The following RALGAPA2 variants were observed in gnomAD, a reference collection of about 807,000 sequenced individuals.
RALGAPA2 encodes ral GTPase-activating protein subunit alpha-2.
Under a neutral mutation model 230.4 loss-of-function variants are expected in RALGAPA2, and 139 were observed. That is an observed-to-expected ratio of 0.60 (90% CI 0.53 to 0.69). The LOEUF is 0.69. RALGAPA2 is among the 30% of genes least tolerant of loss of function. The pLI is 0.00. For synonymous variants in RALGAPA2, 847 were observed against 837.8 expected (o/e 1.01, Z -0.19); for missense variants, 2,163 against 2,276.0 (o/e 0.95, Z 1.01).
intron 37 of RALGAPA2, among the ~76,000 whole-genome samples, chr20:20,414,616 C>T (rs755007572): frequency 4.6e-5 from 7 of 152,142 alleles, no homozygotes; most frequent in Non-Finnish European, 7.3e-5. Flanking sequence ...GAGATCTGGG[C>T]ACCTTAGAGG....
chr20:20,536,814 TTC>T (rs1437238346), intron 24 of RALGAPA2, 30 bp from the exon 25 acceptor site: 1 of 1,596,574 alleles, frequency 6.3e-7, no homozygotes, highest in South Asian at 1.1e-5. Flanking sequence ...GCACACACAT[TTC>T]TCTTTTTGTA....
Position 20,392,193 on chromosome 20 carries a change from A to C in RALGAPA2, c.*1096T>G, listed in dbSNP as rs45438198. On this transcript the variant is annotated 3_prime_UTR_variant, in exon 40 of 40. Coordinates refer to ENST00000202677, the MANE Select transcript of RALGAPA2 (RefSeq NM_020343.4). ...CATTCATTTTGTTTTTAAGAAAAAAAAACAACAACAACAAAAAAACAGGTC... is the reference window on the plus strand; with the variant it reads ...CATTCATTTTGTTTTTAAGAAAAAACAACAACAACAACAAAAAAACAGGTC... The C allele has an allele frequency of 0.12, 18,455 of 152,270 alleles. 1,861 individuals carry two copies. The highest frequency in any genetic ancestry group is 0.28 in the African/African-American group (11,648 of 41,504). The allele number at this position is 152,270 out of a possible 1,614,324, so 9.4% of individuals were successfully genotyped here. A position where few individuals can be genotyped will look rare whatever the true frequency, so the allele number is the denominator to read the frequency against.
chr20:20,572,988 C>G lies in RALGAPA2; in HGVS notation c.2788G>C (p.Val930Leu). The change falls in exon 21 of 40, where the codon GTG becomes CTG. Residue 930 changes from valine to leucine, a missense_variant. Coordinates refer to ENST00000202677, the MANE Select transcript of RALGAPA2 (RefSeq NM_020343.4). ...ATCCCCAAGACCCTTCGCCATAACACAGCAGCAGAGTCTGGGTGCCAACCA... is the reference window on the plus strand; with the variant it reads ...ATCCCCAAGACCCTTCGCCATAACAGAGCAGCAGAGTCTGGGTGCCAACCA... Reference protein sequence around the residue: ...LTGWHPDSAAVLWRRVLGILG... With the variant: ...LTGWHPDSAALLWRRVLGILG... 1 of 1,609,784 alleles carries G rather than the reference C, an allele frequency of 6.2e-7. No homozygotes were observed. Among genetic ancestry groups the G allele is most frequent in the Non-Finnish European group, 8.5e-7 (1 of 1,178,096 alleles).
intron 36 of RALGAPA2, among the ~76,000 whole-genome samples, chr20:20,477,252 TAC>T (rs1268932297): frequency 6.4e-4 from 98 of 152,252 alleles, no homozygotes; most frequent in Non-Finnish European, 5.9e-5. Flanking sequence ...ACAGCAAGAA[TAC>T]AGAGGATTTG....
At chr20:20,655,089 A>G (rs1489728193) in intron 3 of RALGAPA2, among the ~76,000 whole-genome samples, 1 of 152,156 alleles carries the variant, frequency 6.6e-6, no homozygotes, top group Non-Finnish European at 1.5e-5. Context: ...TTTCAAGCCC[A>G]TAACTCTCAA....
At chr20:20,633,307 G>A (rs771516199) in intron 9 of RALGAPA2, among the ~76,000 whole-genome samples, 7 of 151,538 alleles carry the variant, frequency 4.6e-5, no homozygotes, top group Non-Finnish European at 7.4e-5. Context: ...GCTAATTTTT[G>A]TATTTTTTGT....
intron 36 of RALGAPA2, among the ~76,000 whole-genome samples, chr20:20,479,882 G>A (rs2061733166): frequency 6.6e-6 from 1 of 152,160 alleles, no homozygotes; most frequent in African/African-American, 2.4e-5. Flanking sequence ...CATAATCTAT[G>A]GCAAATGGTC....
intron 1 of RALGAPA2, among the ~76,000 whole-genome samples, chr20:20,709,256 T>C (rs964836915): frequency 2.6e-5 from 4 of 151,500 alleles, no homozygotes; most frequent in African/African-American, 7.3e-5. Flanking sequence ...GAGGCGGAGG[T>C]TGCAGTGAGC....
At chr20:20,591,045 T>C (rs2065273569) in intron 17 of RALGAPA2, 132 bp downstream of exon 17, 13 of 1,089,446 alleles carry the variant, frequency 1.2e-5, no homozygotes, top group Non-Finnish European at 1.6e-5. Context: ...CACATCCTTC[T>C]AATCAAATTA....
intron 3 of RALGAPA2, among the ~76,000 whole-genome samples, chr20:20,655,027 G>A (rs2067539669): frequency 6.6e-6 from 1 of 152,060 alleles, no homozygotes. Flanking sequence ...AAACTTGTTG[G>A]CCAAATGTAT....
chr20:20,436,926 A>C (rs1008380339), intron 37 of RALGAPA2, among the ~76,000 whole-genome samples: 2 of 152,156 alleles, frequency 1.3e-5, no homozygotes, highest in Non-Finnish European at 2.9e-5. Context: ...GAGCCTGTGC[A>C]TTGGCCATCA....
At chr20:20,492,208 T>A (rs922254320) in intron 36 of RALGAPA2, among the ~76,000 whole-genome samples, 1 of 151,998 alleles carries the variant, frequency 6.6e-6, no homozygotes, top group Non-Finnish European at 1.5e-5. Context: ...CTGATGAGGT[T>A]TTTTTTTCTC....
chr20:20,433,961 G>A (rs2060552848), intron 37 of RALGAPA2, among the ~76,000 whole-genome samples: 1 of 152,150 alleles, frequency 6.6e-6, no homozygotes, highest in Non-Finnish European at 1.5e-5. Context: ...GTAGATGAAG[G>A]TTTTGGCCAT....
At chr20:20,647,738 T>C (rs1240331910) in intron 4 of RALGAPA2, among the ~76,000 whole-genome samples, 2 of 151,934 alleles carry the variant, frequency 1.3e-5, no homozygotes, top group Non-Finnish European at 2.9e-5. Context: ...TAATGGGCAA[T>C]AGATTTGAAC....
chr20:20,407,124 G>C lies in RALGAPA2; in HGVS notation c.5617+4903C>G, dbSNP rs373074747. 1.4e-3 allele frequency among the ~76,000 whole-genome samples: 213 copies of C among 152,232 alleles called. 10 individuals are homozygous for C. In the South Asian group the frequency reaches 0.042, roughly 30 times the overall value. On this transcript the variant is annotated intron_variant, in intron 38 of 39. Coordinates refer to ENST00000202677, the MANE Select transcript of RALGAPA2 (RefSeq NM_020343.4). ...TGGTCCCTTCCTGGGTTGGTCTTCA[G>C]CTTGCTCCAAATTAATGTGACAGGG...
At chr20:20,542,906 A>T (rs1469867341) in intron 24 of RALGAPA2, among the ~76,000 whole-genome samples, 2 of 152,222 alleles carry the variant, frequency 1.3e-5, no homozygotes, top group Non-Finnish European at 2.9e-5. Context: ...CAAAATTGAC[A>T]AATGGGATCT....
intron 18 of RALGAPA2, among the ~76,000 whole-genome samples, chr20:20,586,143 C>G (rs1162940666): frequency 1.3e-5 from 2 of 152,076 alleles, no homozygotes; most frequent in Non-Finnish European, 2.9e-5. Context: ...GACACAATAC[C>G]TCCCAGCCAT....
chr20:20,589,905 T>C (rs1602966264), intron 17 of RALGAPA2, among the ~76,000 whole-genome samples: 1 of 151,870 alleles, frequency 6.6e-6, no homozygotes, highest in South Asian at 2.1e-4. Flanking sequence ...AATTTTTTTC[T>C]ACAAAAACAT....
chr20:20,442,444 C>T lies in RALGAPA2; in HGVS notation c.5496-30296G>A, dbSNP rs146787260. Among the ~76,000 whole-genome samples, 55 of 152,364 alleles carry T rather than the reference C, an allele frequency of 3.6e-4. No homozygotes were observed. The East Asian group carries it at 9.8e-3, about 27-fold the overall frequency. On this transcript the variant is annotated intron_variant, in intron 37 of 39. Transcript: ENST00000202677. ...AGTCCCTTAATGTAACCATCTCATT[C>T]GTTTCCTTTGCAGTGGAATAGCACA...
Sources: allele counts gnomAD v4.1 joint callset (sites outside exome capture counted in the v4.1 genomes callset), GRCh38; gene constraint gnomAD v4.1.1; transcripts MANE v1.5; gene names NCBI Gene and HGNC (gene_info 2026-07-23, HGNC 2026-07-21).